Variants in POLR3A observed in about 807,000 individuals in gnomAD.
The protein encoded by POLR3A is DNA-directed RNA polymerase III subunit RPC1.
A neutral mutation model predicts 152.8 loss-of-function variants in POLR3A; 112 were observed. That is an observed-to-expected ratio of 0.73 (90% CI 0.63 to 0.86). The LOEUF is 0.86. Ranked by LOEUF, POLR3A falls within the 40% of genes least tolerant of loss-of-function variation. The pLI is 0.00. For missense variants in POLR3A, 1,385 were observed against 1,743.1 expected, an observed-to-expected ratio of 0.79 and a Z score of 3.66; for synonymous variants, 615 against 652.1, an observed-to-expected ratio of 0.94 and a Z score of 0.87.
intron 26 of POLR3A, among the ~76,000 whole-genome samples, chr10:77,983,141 AGCTTCCGTGGG>A (rs888866811): frequency 6.6e-6 from 1 of 152,294 alleles, no homozygotes; most frequent in East Asian, 1.9e-4. Flanking sequence ...GCTAATTAAA[AGCTTCCGTGGG>A]GCCTCCCCTT....
Position 78,017,710 on chromosome 10 carries a change from C to T in POLR3A, c.1296G>A (p.Leu432=). The stretch of plus-strand genomic sequence containing the variant: ...CCATCTTTTCTCGATTTCCGTATTT[C>T]AAAAACCTGAATGTGCAACAATAAA... ...QQRHTQMKRF[L]KYGNREKMAQ... The change falls in exon 10 of 31, where the codon TTG becomes TTA. Residue 432 remains leucine, a synonymous_variant. Coordinates refer to ENST00000372371, the MANE Select transcript of POLR3A (RefSeq NM_007055.4). The T allele has an allele frequency of 6.2e-7, 1 of 1,614,104 alleles. No homozygotes were observed. Among genetic ancestry groups the T allele is most frequent in the Non-Finnish European group, 8.5e-7 (1 of 1,180,006 alleles).
Position 77,995,854 on chromosome 10 carries a change from A to G in POLR3A, c.2617-2487T>C, listed in dbSNP as rs183961216. 3.6e-3 allele frequency among the ~76,000 whole-genome samples: 553 copies of G among 152,348 alleles called. 5 individuals carry two copies. Among genetic ancestry groups the G allele is most frequent in the African/African-American group, 0.012 (517 of 41,570 alleles). ...ATTCTCCACCCCAAATCAACAGAAT[A>G]TACATTCTTTTCAGCACCACACCAC... On this transcript the variant is annotated intron_variant, in intron 19 of 30. Coordinates refer to ENST00000372371, the MANE Select transcript of POLR3A (RefSeq NM_007055.4).
intron 12 of POLR3A, 137 bp from the exon 13 acceptor site, chr10:78,010,128 C>A: frequency 8.7e-7 from 1 of 1,145,468 alleles, no homozygotes. Flanking sequence ...TGGCTTTCTC[C>A]TCCAACTAGG....
chr10:77,995,436 C>T (rs1589307978), intron 19 of POLR3A, among the ~76,000 whole-genome samples: 1 of 152,116 alleles, frequency 6.6e-6, no homozygotes, highest in Non-Finnish European at 1.5e-5. Flanking sequence ...CAGAGACACA[C>T]ATAGGCTCAA....
chr10:78,000,108 G>A lies in POLR3A; in HGVS notation c.2489C>T (p.Ala830Val). The A allele has an allele frequency of 6.2e-7, 1 of 1,614,120 alleles. No homozygotes were observed. The highest frequency in any genetic ancestry group is 8.5e-7 in the Non-Finnish European group (1 of 1,180,008). Residue 830 changes from alanine to valine, a missense_variant, in exon 19 of 31, where the codon GCC becomes GTC. Around this residue, in one of 7 missense-constraint regions of POLR3A, gnomAD observed 170 missense variants for 231.2 expected, o/e 0.74. Transcript: ENST00000372371. ...AAAGCTATTAGCCACAAAGCCTTTGGCAGCTGGGAGCTAAAGAGAGGTAGA... is the reference window on the plus strand; with the variant it reads ...AAAGCTATTAGCCACAAAGCCTTTGACAGCTGGGAGCTAAAGAGAGGTAGA... ...HFEKHSKLPAAKGFVANSFYS... is the reference protein window; with the variant it reads ...HFEKHSKLPAVKGFVANSFYS...
At chr10:78,025,249 T>C (rs1847621390) in intron 3 of POLR3A, 107 bp from the exon 4 acceptor site, 13 of 1,164,774 alleles carry the variant, frequency 1.1e-5, no homozygotes, top group Non-Finnish European at 1.5e-5. Flanking sequence ...CGTGACCATA[T>C]ACACAGATCT....
At position 77,980,147 on chromosome 10, in the gene POLR3A, C is replaced by T. The variant is rs1402790359; in HGVS notation, c.4018G>A (p.Val1340Met). 1.9e-6 allele frequency: 3 copies of T among 1,613,964 alleles called. No individual in the cohort carries two copies. In the East Asian group the frequency reaches 6.7e-5, roughly 36 times the overall value. ...ATAGAAACATCAAACCTACCACACA[C>T]AGAGTCCTTCTGCCCGAAGTAGGCA... ...DAAYFGQKDS[V>M]CGVSECIIMG... is the part of the protein sequence containing the mutation. Residue 1340 changes from valine to methionine, a missense_variant, in exon 30 of 31, where the codon GTG becomes ATG. By Grantham distance (21) the Val-to-Met change is conservative. Around this residue, in one of 7 missense-constraint regions of POLR3A, gnomAD observed 332 missense variants for 400.1 expected, o/e 0.83. Coordinates refer to ENST00000372371, the MANE Select transcript of POLR3A (RefSeq NM_007055.4).
intron 21 of POLR3A, among the ~76,000 whole-genome samples, chr10:77,990,548 G>A (rs529614461): frequency 3.6e-4 from 54 of 152,044 alleles, no homozygotes; most frequent in African/African-American, 1.1e-3. Context: ...AACTAAGAAA[G>A]TCATGAGATA....
chr10:78,010,923 A>C (rs1204309037), intron 11 of POLR3A, among the ~76,000 whole-genome samples: 1 of 152,242 alleles, frequency 6.6e-6, no homozygotes, highest in Non-Finnish European at 1.5e-5. Flanking sequence ...GGCTCACTGC[A>C]GCCTCAACCT....
Position 78,004,994 on chromosome 10 carries a change from T to C in POLR3A, c.2075-106A>G, listed in dbSNP as rs536529430. 7.7e-5 allele frequency: 66 copies of C among 858,676 alleles called. 1 individual carries two copies. The South Asian group carries it at 8.3e-4, about 11-fold the overall frequency. 53.2% of individuals were successfully genotyped at this position (858,676 alleles called of 1,614,324 possible). On this transcript the variant is annotated intron_variant, in intron 15 of 30. Coordinates refer to ENST00000372371, the MANE Select transcript of POLR3A (RefSeq NM_007055.4). ...TATAGTTTGTACTATATATAAACTA[T>C]GTATGTATAGTTTAAAGTATAAAAA...
rs577720051 is a variant in POLR3A, at chr10:78,023,263, C to A, written c.646-879G>T. The stretch of plus-strand genomic sequence containing the variant: ...GTCACCTGAGGTCAGGAGTTCAAGA[C>A]CAGCCTGGTCAACATAGTAAAACCC... On this transcript the variant is annotated intron_variant, in intron 5 of 30. Coordinates refer to ENST00000372371, the MANE Select transcript of POLR3A (RefSeq NM_007055.4). Among the ~76,000 whole-genome samples, 10 of 151,870 alleles carry A rather than the reference C, an allele frequency of 6.6e-5. No individual in the cohort carries two copies. The South Asian group carries it at 1.9e-3, about 28-fold the overall frequency.
chr10:78,007,771 G>T lies in POLR3A; in HGVS notation c.2005C>A (p.Arg669=), dbSNP rs774007232. The change falls in exon 15 of 31, where the codon CGA becomes AGA. Residue 669 remains arginine, a synonymous_variant. Coordinates refer to ENST00000372371, the MANE Select transcript of POLR3A (RefSeq NM_007055.4). ...GCAGCTTCATTCTGTCCCCAGTCTC[G>T]CAGCAAAATGTAAAAAATATTGTTC... ...SKNNIFYILL[R]DWGQNEAADA... The T allele has an allele frequency of 5.0e-6, 8 of 1,613,946 alleles. No homozygotes were observed. The highest frequency in any genetic ancestry group is 6.8e-6 in the Non-Finnish European group (8 of 1,179,860).
At chr10:78,016,780 T>C (rs1156352539) in intron 10 of POLR3A, among the ~76,000 whole-genome samples, 2 of 139,766 alleles carry the variant, frequency 1.4e-5, no homozygotes, top group African/African-American at 5.5e-5. Context: ...TAGGCTGAGG[T>C]GGGAGGATCG....
chr10:77,987,489 T>A (rs1847208660), intron 21 of POLR3A, among the ~76,000 whole-genome samples: 1 of 152,036 alleles, frequency 6.6e-6, no homozygotes, highest in African/African-American at 2.4e-5. Context: ...CTCATGAGGT[T>A]CTGTTTCTTG....
chr10:78,028,927 T>C (rs1847662838), intron 1 of POLR3A, among the ~76,000 whole-genome samples: 1 of 152,124 alleles, frequency 6.6e-6, no homozygotes, highest in Non-Finnish European at 1.5e-5. Context: ...GGTACAGCTT[T>C]CTAGTGGGCA....
intron 1 of POLR3A, among the ~76,000 whole-genome samples, chr10:78,026,512 T>C (rs1847636160): frequency 6.6e-6 from 1 of 152,206 alleles, no homozygotes; most frequent in Non-Finnish European, 1.5e-5. Context: ...TCATTTTACC[T>C]CTGCAGCACT....
In POLR3A at chr10:77,982,639, G is replaced by A. The variant is rs770692312; in HGVS notation, c.3594+14C>T. 7.5e-5 allele frequency: 121 copies of A among 1,611,432 alleles called. No individual in the cohort carries two copies. The highest frequency in any genetic ancestry group is 8.8e-5 in the Non-Finnish European group (104 of 1,179,282). On this transcript the variant is annotated intron_variant, in intron 27 of 30. Transcript: ENST00000372371. ...GAGATGCTGGGTCTCCATGAGAAGC[G>A]ACTTCTGTTTCACCTTGGGGAGATC...
At chr10:77,993,095 C>T in intron 20 of POLR3A, 102 bp downstream of exon 20, 1 of 882,182 alleles carries the variant, frequency 1.1e-6, no homozygotes, top group Non-Finnish European at 1.9e-6. Context: ...ATTATAAATA[C>T]TGAAGTATTT....
chr10:78,010,326 G>A, intron 12 of POLR3A, 145 bp downstream of exon 12: 1 of 739,782 alleles, frequency 1.4e-6, no homozygotes, highest in Non-Finnish European at 2.4e-6. Context: ...CCCACGGGGA[G>A]GTTCATGATC....
Sources: allele counts gnomAD v4.1 joint callset (sites outside exome capture counted in the v4.1 genomes callset), GRCh38; gene constraint gnomAD v4.1.1; regional missense constraint gnomAD v4.1.1; transcripts MANE v1.5; gene names NCBI Gene and HGNC (gene_info 2026-07-23, HGNC 2026-07-21).